Variants in GNG7 observed in about 807,000 individuals in gnomAD.
GNG7 encodes G protein subunit gamma 7.
A neutral mutation model predicts 4.0 loss-of-function variants in GNG7; 1 was observed. That is an observed-to-expected ratio of 0.25 (90% CI 0.09 to 1.18). GNG7 has a LOEUF of 1.18. Among genes scored for constraint, GNG7 ranks in the 50% most tolerant of loss-of-function variants. GNG7 has a pLI of 0.50. For missense variants in GNG7, 86 were observed against 91.9 expected (o/e 0.94, Z 0.26); for synonymous variants, 34 against 36.9 (o/e 0.92, Z 0.29).
intron 3 of GNG7, among the ~76,000 whole-genome samples, chr19:2,541,162 C>T (rs1450752556): frequency 2.6e-5 from 4 of 152,206 alleles, no homozygotes; most frequent in Non-Finnish European, 4.4e-5. Flanking sequence ...CCTGAGTCCC[C>T]CAGACCCTGT....
intron 2 of GNG7, among the ~76,000 whole-genome samples, chr19:2,560,628 G>C (rs527817719): frequency 2.3e-4 from 35 of 152,248 alleles, no homozygotes; most frequent in African/African-American, 8.4e-4. Flanking sequence ...ATCCAGCCCC[G>C]ATGTCCACAG....
At chr19:2,539,315 T>C (rs540240212) in intron 3 of GNG7, among the ~76,000 whole-genome samples, 11 of 132,704 alleles carry the variant, frequency 8.3e-5, no homozygotes, top group Admixed American at 1.5e-4. Flanking sequence ...CAACTTTTTT[T>C]TTTTTTTTGG....
At chr19:2,551,301 C>T (rs1037533166) in intron 3 of GNG7, among the ~76,000 whole-genome samples, 2 of 152,104 alleles carry the variant, frequency 1.3e-5, no homozygotes, top group South Asian at 2.1e-4. Context: ...TGGAGAAGGA[C>T]GTAAAAGGAT....
intron 2 of GNG7, among the ~76,000 whole-genome samples, chr19:2,565,080 C>G (rs1373785150): frequency 6.6e-6 from 1 of 152,162 alleles, no homozygotes; most frequent in Admixed American, 6.5e-5. Flanking sequence ...TTCTGTGTCT[C>G]CCTGTAGCCA....
At chr19:2,516,152 G>A (rs531701958) in intron 4 of GNG7, among the ~76,000 whole-genome samples, 1 of 152,032 alleles carries the variant, frequency 6.6e-6, no homozygotes, top group Non-Finnish European at 1.5e-5. Flanking sequence ...GGGAGGTTAA[G>A]GCTGCAGTGA....
intron 2 of GNG7, among the ~76,000 whole-genome samples, chr19:2,645,404 G>C (rs1982639054): frequency 6.6e-6 from 1 of 151,654 alleles, no homozygotes; most frequent in Non-Finnish European, 1.5e-5. Context: ...ACGCCTGGCT[G>C]ATTTTCCTAT....
chr19:2,620,939 A>G (rs554376169), intron 2 of GNG7, among the ~76,000 whole-genome samples: 1 of 152,120 alleles, frequency 6.6e-6, no homozygotes, highest in South Asian at 2.1e-4. Context: ...TTCATTTATA[A>G]AAGGGGTGAC....
At chr19:2,556,378 C>T (rs1217834713) in intron 2 of GNG7, among the ~76,000 whole-genome samples, 3 of 152,318 alleles carry the variant, frequency 2.0e-5, no homozygotes, top group Non-Finnish European at 1.5e-5. Flanking sequence ...TGCTCGAGGC[C>T]GGGCTGGGCC....
chr19:2,677,609 C>A (rs1983627063), intron 1 of GNG7, among the ~76,000 whole-genome samples: 1 of 152,220 alleles, frequency 6.6e-6, no homozygotes, highest in African/African-American at 2.4e-5. Flanking sequence ...GATTCTCCTC[C>A]TCTCTCCCTC....
At chr19:2,518,834 G>T (rs146064681) in intron 4 of GNG7, among the ~76,000 whole-genome samples, 5 of 151,772 alleles carry the variant, frequency 3.3e-5, no homozygotes, top group Non-Finnish European at 7.4e-5. Flanking sequence ...TCACCCTGTC[G>T]CTTGGGGTTG....
intron 1 of GNG7, among the ~76,000 whole-genome samples, chr19:2,670,500 G>C (rs1983424506): frequency 6.6e-6 from 1 of 152,252 alleles, no homozygotes; most frequent in Non-Finnish European, 1.5e-5. Context: ...GACTTGCTGA[G>C]CTAGGACGGC....
intron 2 of GNG7, among the ~76,000 whole-genome samples, chr19:2,624,061 G>A (rs1186009161): frequency 5.3e-5 from 8 of 151,970 alleles, no homozygotes; most frequent in Non-Finnish European, 2.9e-5. Context: ...GGAAGGGGAC[G>A]GGGAGCAAGT....
At chr19:2,672,769 T>G (rs1470271325) in intron 1 of GNG7, among the ~76,000 whole-genome samples, 1 of 152,090 alleles carries the variant, frequency 6.6e-6, no homozygotes, top group Non-Finnish European at 1.5e-5. Flanking sequence ...TTTTAAATGC[T>G]GGCAATAATT....
chr19:2,621,211 A>G lies in GNG7; in HGVS notation c.-78+25013T>C, dbSNP rs1447295821. 2.6e-5 allele frequency among the ~76,000 whole-genome samples: 4 copies of G among 152,224 alleles called. No individual in the cohort carries two copies. The East Asian group carries it at 7.7e-4, about 29-fold the overall frequency. ...GAACCTCGGAAAATGACTGTTACGG[A>G]CTAATTGCATTTGCTTAAAACTTAT... is the stretch of plus-strand genomic sequence containing the variant. On this transcript the variant is annotated intron_variant, in intron 2 of 4. Transcript: ENST00000382159.
At chr19:2,638,352 ACT>A (rs1201684925) in intron 2 of GNG7, among the ~76,000 whole-genome samples, 25 of 143,374 alleles carry the variant, frequency 1.7e-4, no homozygotes, top group Admixed American at 1.6e-3. Flanking sequence ...ACAGAGCGAG[ACT>A]CTGTCAGAAA....
intron 3 of GNG7, among the ~76,000 whole-genome samples, chr19:2,529,050 C>A (rs1362159155): frequency 6.6e-6 from 1 of 152,242 alleles, no homozygotes; most frequent in Non-Finnish European, 1.5e-5. Flanking sequence ...TGCCCTGAGG[C>A]TGGGGTGCAG....
At chr19:2,664,775 G>A (rs1349489535) in intron 1 of GNG7, among the ~76,000 whole-genome samples, 5 of 152,136 alleles carry the variant, frequency 3.3e-5, no homozygotes, top group Non-Finnish European at 5.9e-5. Context: ...CCTGGAAACC[G>A]TGGACATTCA....
At chr19:2,539,256 G>A (rs1023126360) in intron 3 of GNG7, among the ~76,000 whole-genome samples, 47 of 150,288 alleles carry the variant, frequency 3.1e-4, no homozygotes, top group Middle Eastern at 3.5e-3. Flanking sequence ...TGTTTGTGAC[G>A]ACAATAAATT....
chr19:2,640,858 G>A (rs955458229), intron 2 of GNG7, among the ~76,000 whole-genome samples: 18 of 152,082 alleles, frequency 1.2e-4, no homozygotes, highest in African/African-American at 4.3e-4. Flanking sequence ...CACACTCCTG[G>A]GCTCAAGCCA....
Sources: gnomAD v4.1 joint callset for allele counts (sites outside exome capture counted in the v4.1 genomes callset) on GRCh38, gnomAD v4.1.1 for gene constraint, MANE v1.5 for transcripts, NCBI Gene and HGNC (gene_info 2026-07-23, HGNC 2026-07-21) for gene names.